MDFIC2: variants seen among roughly 807,000 people sequenced by gnomAD.
MDFIC2 encodes the protein MyoD family inhibitor domain containing 2, also known as myoD family inhibitor domain-containing protein 2.
At chr3:70,281,865 G>T (rs1326210045) in intron 2 of MDFIC2, among the ~76,000 whole-genome samples, 1 of 152,120 alleles carries the variant, frequency 6.6e-6, no homozygotes, top group African/African-American at 2.4e-5. Flanking sequence ...AGAAATTCTA[G>T]TTCATCATAC....
intron 2 of MDFIC2, among the ~76,000 whole-genome samples, chr3:70,262,198 A>T (rs1245766503): frequency 1.3e-5 from 2 of 152,188 alleles, no homozygotes; most frequent in African/African-American, 4.8e-5. Flanking sequence ...AAAGAACAAA[A>T]ATCATATGAT....
At chr3:70,287,517 C>G (rs1329367093) in intron 2 of MDFIC2, among the ~76,000 whole-genome samples, 7 of 151,806 alleles carry the variant, frequency 4.6e-5, no homozygotes, top group African/African-American at 4.8e-5. Context: ...GTCTAAAATT[C>G]TCTTTTTTGG....
At chr3:70,279,054 C>A (rs748897133) in intron 2 of MDFIC2, among the ~76,000 whole-genome samples, 5 of 149,872 alleles carry the variant, frequency 3.3e-5, no homozygotes, top group Non-Finnish European at 7.4e-5. Context: ...AAGCTTTCTC[C>A]CTTTCCTAAC....
At chr3:70,216,355 A>C (rs1453172397) in intron 2 of MDFIC2, among the ~76,000 whole-genome samples, 1 of 151,214 alleles carries the variant, frequency 6.6e-6, no homozygotes. Context: ...TGCTTCCTAG[A>C]TGTCATTCAT....
chr3:70,217,261 C>T (rs1371039794), intron 2 of MDFIC2, among the ~76,000 whole-genome samples: 2 of 152,064 alleles, frequency 1.3e-5, no homozygotes, highest in Non-Finnish European at 2.9e-5. Context: ...AACAGTTCCC[C>T]CATTCAGTAC....
intron 2 of MDFIC2, among the ~76,000 whole-genome samples, chr3:70,284,411 CA>C (rs1278354299): frequency 2.6e-5 from 4 of 151,862 alleles, no homozygotes; most frequent in Non-Finnish European, 5.9e-5. Flanking sequence ...AAAACAAAAG[CA>C]AAAACAAAAA....
chr3:70,246,851 A>G (rs953545088), intron 2 of MDFIC2, among the ~76,000 whole-genome samples: 1 of 152,038 alleles, frequency 6.6e-6, no homozygotes. Context: ...CAACCCTACC[A>G]TCTTAAATAT....
intron 2 of MDFIC2, among the ~76,000 whole-genome samples, chr3:70,246,163 A>G (rs979988050): frequency 6.6e-6 from 1 of 152,076 alleles, no homozygotes; most frequent in Non-Finnish European, 1.5e-5. Flanking sequence ...ATTTAAAAGC[A>G]TAAAGTATTG....
chr3:70,278,488 C>T (rs1702049612), intron 2 of MDFIC2, among the ~76,000 whole-genome samples: 1 of 152,128 alleles, frequency 6.6e-6, no homozygotes, highest in Admixed American at 6.5e-5. Context: ...TAGCAGTTTT[C>T]CAGAATGGTC....
intron 2 of MDFIC2, among the ~76,000 whole-genome samples, chr3:70,274,631 G>C (rs1702004383): frequency 6.6e-6 from 1 of 152,156 alleles, no homozygotes; most frequent in Non-Finnish European, 1.5e-5. Flanking sequence ...TCCTGTTGGG[G>C]ATGGAGCGGT....
intron 2 of MDFIC2, among the ~76,000 whole-genome samples, chr3:70,255,153 G>A (rs762200452): frequency 6.6e-6 from 1 of 152,162 alleles, no homozygotes; most frequent in Non-Finnish European, 1.5e-5. Context: ...TGCTCCTTTG[G>A]TATCAAAGAA....
At chr3:70,209,241 G>A (rs985934300) in intron 2 of MDFIC2, among the ~76,000 whole-genome samples, 1 of 151,956 alleles carries the variant, frequency 6.6e-6, no homozygotes, top group African/African-American at 2.4e-5. Context: ...GATGTTTAGT[G>A]GTATCGTAGT....
chr3:70,282,360 T>C (rs1345615812), intron 2 of MDFIC2, among the ~76,000 whole-genome samples: 1 of 152,180 alleles, frequency 6.6e-6, no homozygotes, highest in South Asian at 2.1e-4. Flanking sequence ...CAAATGCTAA[T>C]GTGTCTTAAA....
At chr3:70,233,856 A>G (rs1701584778) in intron 2 of MDFIC2, among the ~76,000 whole-genome samples, 1 of 152,216 alleles carries the variant, frequency 6.6e-6, no homozygotes, top group Admixed American at 6.5e-5. Context: ...AGTTGCATGA[A>G]TATACCTTAA....
At chr3:70,310,814 AT>A (rs200890566) in intron 2 of MDFIC2, among the ~76,000 whole-genome samples, 4 of 151,886 alleles carry the variant, frequency 2.6e-5, no homozygotes, top group African/African-American at 9.7e-5. Flanking sequence ...TAACTTAAAC[AT>A]TTTTTTTCTT....
At chr3:70,289,232 G>A (rs1293979526) in intron 2 of MDFIC2, among the ~76,000 whole-genome samples, 1 of 149,970 alleles carries the variant, frequency 6.7e-6, no homozygotes, top group African/African-American at 2.5e-5. Context: ...GCTTCCTTCA[G>A]GAGCTCTTTT....
At chr3:70,262,457 C>T (rs1457982237) in intron 2 of MDFIC2, among the ~76,000 whole-genome samples, 2 of 152,030 alleles carry the variant, frequency 1.3e-5, no homozygotes, top group African/African-American at 4.8e-5. Flanking sequence ...GAAATAAGAC[C>T]AGTTATAGTA....
chr3:70,252,913 C>A (rs1280565172), intron 2 of MDFIC2, among the ~76,000 whole-genome samples: 1 of 152,014 alleles, frequency 6.6e-6, no homozygotes, highest in Admixed American at 6.6e-5. Context: ...AACCCCCTCT[C>A]TACTAAAAAT....
intron 2 of MDFIC2, among the ~76,000 whole-genome samples, chr3:70,216,207 T>C (rs1701410207): frequency 6.6e-6 from 1 of 150,688 alleles, no homozygotes. Flanking sequence ...ATTCTAATTC[T>C]ACTTTATATA....
Sources: gnomAD v4.1 joint callset for allele counts (sites outside exome capture counted in the v4.1 genomes callset) on GRCh38, gnomAD v4.1.1 for gene constraint, MANE v1.5 for transcripts, NCBI Gene and HGNC (gene_info 2026-07-23, HGNC 2026-07-21) for gene names.